ASPH: variants seen among roughly 807,000 people sequenced by gnomAD.
ASPH encodes the protein aspartate beta-hydroxylase.
In ASPH, 100 loss-of-function variants were observed where a neutral mutation model predicts 118.4. That is an observed-to-expected ratio of 0.84 (90% CI 0.72 to 1.00). ASPH has a LOEUF of 1.00. ASPH is among the 50% of genes least tolerant of loss of function. The pLI is 0.00. For missense variants in ASPH, 920 were observed against 919.5 expected (o/e 1.00, Z -0.01); for synonymous variants, 315 against 325.6 (o/e 0.97, Z 0.35).
intron 1 of ASPH, among the ~76,000 whole-genome samples, chr8:61,685,833 G>A (rs1275644403): frequency 6.7e-6 from 1 of 150,260 alleles, no homozygotes; most frequent in African/African-American, 2.5e-5. Flanking sequence ...CTGTCACCCA[G>A]GCTGTAGTGC....
chr8:61,686,959 A>G (rs903169661), intron 1 of ASPH, among the ~76,000 whole-genome samples: 2 of 152,138 alleles, frequency 1.3e-5, no homozygotes, highest in African/African-American at 4.8e-5. Flanking sequence ...TTACCCAATA[A>G]TTAAGTTTTT....
chr8:61,638,119 ATTTGACTC>A, intron 11 of ASPH, 116 bp from the exon 12 acceptor site: 1 of 1,234,132 alleles, frequency 8.1e-7, no homozygotes, highest in Non-Finnish European at 1.1e-6. Context: ...AGATTGCTAA[ATTTGACTC>A]TTTTTAAACT....
chr8:61,517,773 A>T, intron 23 of ASPH, 112 bp from the exon 24 acceptor site: 2 of 1,360,514 alleles, frequency 1.5e-6, no homozygotes, highest in Admixed American at 2.4e-5. Flanking sequence ...CCTTTGTAAG[A>T]TTTAATATTT....
At position 61,500,724 on chromosome 8, in the gene ASPH, AG is replaced by A. The variant is rs1804711228; in HGVS notation, c.*2634del. ...ATTTTTAGACATCTCTTATTCGCCC[AG>A]CCATCTGCATGACATGGGTATTTAT... On this transcript the variant is annotated 3_prime_UTR_variant, in exon 25 of 25. Coordinates refer to ENST00000379454, the MANE Select transcript of ASPH (RefSeq NM_004318.4). 1 of 152,232 alleles carries A rather than the reference AG, an allele frequency of 6.6e-6. No homozygotes were observed. The highest frequency in any genetic ancestry group is 1.5e-5 in the Non-Finnish European group (1 of 68,042). The allele number at this position is 152,232 out of a possible 1,614,324, so 9.4% of individuals were successfully genotyped here. A position where few individuals can be genotyped will look rare whatever the true frequency, so the allele number is the denominator to read the frequency against.
rs190470229 is a variant in ASPH at position 61,671,402 on chromosome 8, A to G, written c.322+9566T>C. Among the ~76,000 whole-genome samples the G allele has an allele frequency of 8.8e-3, 1,337 of 152,352 alleles. 19 individuals are homozygous for G. Among genetic ancestry groups the G allele is most frequent in the Non-Finnish European group, 0.014 (929 of 68,028 alleles). ...ATTCATGACAACACAAAGGCTCTTC[A>G]AAAATAGTTTCCAAGTAGTAGGAAG... On this transcript the variant is annotated intron_variant, in intron 3 of 24. Coordinates refer to ENST00000379454, the MANE Select transcript of ASPH (RefSeq NM_004318.4).
At chr8:61,605,884 CTCTT>C (rs1474905892) in intron 14 of ASPH, among the ~76,000 whole-genome samples, 5 of 152,152 alleles carry the variant, frequency 3.3e-5, no homozygotes, top group Admixed American at 6.5e-5. Flanking sequence ...TCATTTTTCT[CTCTT>C]TCTAACAAGT....
At chr8:61,581,310 T>A (rs1196832882) in intron 15 of ASPH, among the ~76,000 whole-genome samples, 1 of 152,240 alleles carries the variant, frequency 6.6e-6, no homozygotes, top group African/African-American at 2.4e-5. Flanking sequence ...AAAACTCAGC[T>A]GCAAGACACA....
intron 16 of ASPH, among the ~76,000 whole-genome samples, chr8:61,574,381 A>C (rs576590748): frequency 1.2e-4 from 18 of 152,360 alleles, no homozygotes; most frequent in African/African-American, 4.1e-4. Context: ...TCATTCTACT[A>C]TAAAGACACA....
At position 61,632,395 on chromosome 8, in the gene ASPH, T is replaced by C. The variant is rs539212942; in HGVS notation, c.934+1288A>G. Among the ~76,000 whole-genome samples, 6 of 152,354 alleles carry C rather than the reference T, an allele frequency of 3.9e-5. No individual in the cohort carries two copies. In the East Asian group the frequency reaches 1.2e-3, roughly 29 times the overall value. On this transcript the variant is annotated intron_variant, in intron 13 of 24. Coordinates refer to ENST00000379454, the MANE Select transcript of ASPH (RefSeq NM_004318.4). ...TTTTTAGGAATATAAAATAATTTTC[T>C]GTTAAGTCATGGAATAGTCATCAAA...
At position 61,578,833 on chromosome 8, in the gene ASPH, T is replaced by C. The variant is rs546827680; in HGVS notation, c.1063-1975A>G. ...AAGAAGGATGTGGATGAAGCTTACA[T>C]GAACAAGGTAGAGCTGGAGTCTCGC... On this transcript the variant is annotated intron_variant, in intron 15 of 24. Coordinates refer to ENST00000379454, the MANE Select transcript of ASPH (RefSeq NM_004318.4). 1.1e-3 allele frequency: 1,749 copies of C among 1,612,094 alleles called. 2 individuals carry two copies. Among genetic ancestry groups the C allele is most frequent in the Non-Finnish European group, 1.4e-3 (1,598 of 1,178,692 alleles).
At position 61,502,088 on chromosome 8, in the gene ASPH, CT is replaced by C. The variant is rs1805038093; in HGVS notation, c.*1270del. ...TTTGCTAGATTAATGACTTGATCAT[CT>C]TTGGAATGAGTAGGCAAGACGATTT... On this transcript the variant is annotated 3_prime_UTR_variant, in exon 25 of 25. Transcript: ENST00000379454. 1.3e-5 allele frequency: 2 copies of C among 152,148 alleles called. No individual in the cohort carries two copies. Among genetic ancestry groups the C allele is most frequent in the Admixed American group, 1.3e-4 (2 of 15,268 alleles). The allele number at this position is 152,148 out of a possible 1,614,324, so 9.4% of individuals were successfully genotyped here. A position where few individuals can be genotyped will look rare whatever the true frequency, so the allele number is the denominator to read the frequency against.
At chr8:61,673,378 A>G (rs1477744643) in intron 3 of ASPH, among the ~76,000 whole-genome samples, 1 of 152,166 alleles carries the variant, frequency 6.6e-6, no homozygotes. Context: ...GAATCCCCAG[A>G]GTGCTGCTGT....
At chr8:61,563,086 T>C (rs1719728921) in intron 17 of ASPH, among the ~76,000 whole-genome samples, 1 of 152,084 alleles carries the variant, frequency 6.6e-6, no homozygotes, top group African/African-American at 2.4e-5. Flanking sequence ...ATACTGAATA[T>C]GGTATTGATT....
chr8:61,649,722 G>A (rs906709753), intron 5 of ASPH, among the ~76,000 whole-genome samples: 1 of 151,132 alleles, frequency 6.6e-6, no homozygotes, highest in Non-Finnish European at 1.5e-5. Context: ...GCTGAGGCAA[G>A]TTTGCTACCA....
intron 16 of ASPH, among the ~76,000 whole-genome samples, chr8:61,574,434 A>T (rs1255768692): frequency 6.6e-6 from 1 of 152,238 alleles, no homozygotes. Context: ...AATAGCAAAG[A>T]CTTGGAACCA....
chr8:61,635,715 C>A (rs1252227825), intron 12 of ASPH, among the ~76,000 whole-genome samples: 1 of 152,136 alleles, frequency 6.6e-6, no homozygotes, highest in Non-Finnish European at 1.5e-5. Flanking sequence ...CTTTGCTTCA[C>A]AACCATCAGG....
At chr8:61,508,527 G>A (rs1807539787) in intron 24 of ASPH, among the ~76,000 whole-genome samples, 2 of 152,052 alleles carry the variant, frequency 1.3e-5, no homozygotes, top group Non-Finnish European at 1.5e-5. Flanking sequence ...TATTAATAAG[G>A]CTAAGTAATG....
chr8:61,511,260 G>T (rs1808716155), intron 24 of ASPH, among the ~76,000 whole-genome samples: 1 of 152,180 alleles, frequency 6.6e-6, no homozygotes, highest in Non-Finnish European at 1.5e-5. Context: ...AGGATTAAAT[G>T]ATTGATTGCC....
At chr8:61,629,600 A>T (rs942011176) in intron 13 of ASPH, among the ~76,000 whole-genome samples, 22 of 152,246 alleles carry the variant, frequency 1.4e-4, no homozygotes, top group Non-Finnish European at 5.9e-5. Context: ...CGTGCACAGC[A>T]CTTACAAATT....
Sources: allele counts gnomAD v4.1 joint callset (sites outside exome capture counted in the v4.1 genomes callset), GRCh38; gene constraint gnomAD v4.1.1; transcripts MANE v1.5; gene names NCBI Gene and HGNC (gene_info 2026-07-23, HGNC 2026-07-21).